DGKB: variants seen among roughly 807,000 people sequenced by gnomAD.
The protein encoded by DGKB is 90 kDa diacylglycerol kinase.
DGKB carries 67 observed loss-of-function variants against 114.3 expected under a neutral mutation model. The ratio of observed to expected loss-of-function variants is 0.59; its 90% CI spans 0.48 to 0.72. DGKB has a LOEUF of 0.72. DGKB is among the 30% of genes least tolerant of loss of function. The probability of loss-of-function intolerance (pLI) is 0.00; values close to 1 mark genes in which losing one functional copy is unlikely to be tolerated. For missense variants in DGKB, 907 were observed against 975.2 expected (o/e 0.93, Z 0.93); for synonymous variants, 398 against 323.1 (o/e 1.23, Z -2.49).
intron 1 of DGKB, among the ~76,000 whole-genome samples, chr7:14,941,500 C>T (rs1785569919): frequency 6.6e-6 from 1 of 152,056 alleles, no homozygotes; most frequent in South Asian, 2.1e-4. Context: ...AAATGGGTTT[C>T]ATACAAAGTC....
chr7:14,390,814 AT>A (rs1311876942), intron 21 of DGKB, among the ~76,000 whole-genome samples: 1 of 152,226 alleles, frequency 6.6e-6, no homozygotes, highest in Non-Finnish European at 1.5e-5. Context: ...AAATATAATT[AT>A]TTAGATAAAA....
chr7:14,872,183 T>C (rs914791259), intron 1 of DGKB, among the ~76,000 whole-genome samples: 1 of 152,228 alleles, frequency 6.6e-6, no homozygotes, highest in African/African-American at 2.4e-5. Flanking sequence ...ATATTTCTCA[T>C]TGCGTAAATA....
At chr7:14,809,353 CA>C (rs1321816394) in intron 2 of DGKB, among the ~76,000 whole-genome samples, 3 of 151,996 alleles carry the variant, frequency 2.0e-5, no homozygotes, top group African/African-American at 7.2e-5. Flanking sequence ...GAATAGAGGC[CA>C]TGTTTTCAAG....
chr7:14,256,043 T>C (rs1185356082), intron 23 of DGKB, among the ~76,000 whole-genome samples: 1 of 152,214 alleles, frequency 6.6e-6, no homozygotes, highest in African/African-American at 2.4e-5. Flanking sequence ...TTCTCCTCAT[T>C]CTTTATTAAT....
At chr7:14,700,186 T>C (rs948020874) in intron 7 of DGKB, among the ~76,000 whole-genome samples, 2 of 151,478 alleles carry the variant, frequency 1.3e-5, no homozygotes, top group East Asian at 3.9e-4. Context: ...CACTAGGCAC[T>C]TAAAAATAAT....
At chr7:14,782,900 A>G (rs914856321) in intron 2 of DGKB, among the ~76,000 whole-genome samples, 1 of 152,026 alleles carries the variant, frequency 6.6e-6, no homozygotes. Flanking sequence ...AGTGATGATC[A>G]TAGCTCCCTT....
chr7:14,372,772 C>A (rs1457116022), intron 21 of DGKB, among the ~76,000 whole-genome samples: 1 of 152,036 alleles, frequency 6.6e-6, no homozygotes, highest in Non-Finnish European at 1.5e-5. Flanking sequence ...GTATAAATGG[C>A]TATTTTTTCA....
At chr7:14,476,076 A>G (rs2128900109) in intron 21 of DGKB, among the ~76,000 whole-genome samples, 1 of 152,132 alleles carries the variant, frequency 6.6e-6, no homozygotes, top group African/African-American at 2.4e-5. Flanking sequence ...AAAAGGTATT[A>G]TCCAAACACA....
chr7:14,672,204 T>C (rs1819080328), intron 13 of DGKB, among the ~76,000 whole-genome samples: 1 of 152,132 alleles, frequency 6.6e-6, no homozygotes, highest in African/African-American at 2.4e-5. Flanking sequence ...AAATGGAAGT[T>C]CCAGCCATTT....
In DGKB at chr7:14,283,428, G is replaced by T. The variant is rs565689536; in HGVS notation, c.2122+55087C>A. The stretch of plus-strand genomic sequence containing the variant: ...AGGAAGAATCAATATTGTGAAAATG[G>T]CCATACTGCCCAAGGTAATTTACAG... On this transcript the variant is annotated intron_variant, in intron 23 of 25. Coordinates refer to ENST00000402815, the MANE Select transcript of DGKB (RefSeq NM_001350709.2). Among the ~76,000 whole-genome samples, 273 of 151,256 alleles carry T rather than the reference G, an allele frequency of 1.8e-3. 2 individuals carry two copies. Among genetic ancestry groups the T allele is most frequent in the Non-Finnish European group, 3.1e-3 (208 of 67,978 alleles).
chr7:14,231,127 C>CTTTCTTTCTTTCTTTCTTTCTTTCTT (rs1562685007), intron 23 of DGKB, among the ~76,000 whole-genome samples: 150 of 125,138 alleles, frequency 1.2e-3, no homozygotes, highest in Middle Eastern at 4.1e-3. Context: ...TTCTTTCTTT[C>CTTTCTTTCTTTCTTTCTTTCTTTCTT]TTTCTTTCTT....
chr7:14,490,226 A>G (rs547774578), intron 20 of DGKB, among the ~76,000 whole-genome samples: 5 of 152,190 alleles, frequency 3.3e-5, no homozygotes, highest in Non-Finnish European at 7.3e-5. Flanking sequence ...ATATGTAACT[A>G]TATGTAAATA....
chr7:14,762,559 T>C (rs1268206269), intron 2 of DGKB, among the ~76,000 whole-genome samples: 1 of 152,094 alleles, frequency 6.6e-6, no homozygotes, highest in African/African-American at 2.4e-5. Context: ...AAAATGCAAA[T>C]AGATCATAAA....
intron 23 of DGKB, among the ~76,000 whole-genome samples, chr7:14,334,359 CAT>C (rs1491096474): frequency 1.6e-4 from 19 of 118,924 alleles, no homozygotes; most frequent in East Asian, 5.1e-4. Flanking sequence ...TATGTATATA[CAT>C]ATGTGTGTGT....
At chr7:14,934,349 C>A (rs376747256) in intron 1 of DGKB, among the ~76,000 whole-genome samples, 3 of 152,146 alleles carry the variant, frequency 2.0e-5, no homozygotes, top group Admixed American at 6.5e-5. Context: ...CTAAATAAGT[C>A]TTTGTAATAT....
At chr7:14,353,054 T>C (rs1813775866) in intron 21 of DGKB, among the ~76,000 whole-genome samples, 1 of 152,242 alleles carries the variant, frequency 6.6e-6, no homozygotes. Context: ...TTACGGATCA[T>C]AGCACTGTCT....
chr7:14,549,704 G>C (rs1794831079), intron 20 of DGKB, among the ~76,000 whole-genome samples: 1 of 152,106 alleles, frequency 6.6e-6, no homozygotes, highest in South Asian at 2.1e-4. Context: ...AAAATCTCTA[G>C]CTGGCTGGAC....
At chr7:14,959,384 T>C (rs184300328) in intron 1 of DGKB, among the ~76,000 whole-genome samples, 1 of 151,964 alleles carries the variant, frequency 6.6e-6, no homozygotes, top group Non-Finnish European at 1.5e-5. Flanking sequence ...TAGAGTTTTT[T>C]TTTTTTAAAT....
At chr7:14,841,072 CAAA>C in intron 2 of DGKB, 119 bp downstream of exon 2, 3 of 827,744 alleles carry the variant, frequency 3.6e-6, no homozygotes, top group Non-Finnish European at 5.4e-6. Context: ...CTTGTAAACA[CAAA>C]AGGCAGAGCT....
Sources: allele counts gnomAD v4.1 joint callset (sites outside exome capture counted in the v4.1 genomes callset), GRCh38; gene constraint gnomAD v4.1.1; transcripts MANE v1.5; gene names NCBI Gene and HGNC (gene_info 2026-07-23, HGNC 2026-07-21).